Variants in SEMA6D observed in about 807,000 individuals in gnomAD.
SEMA6D encodes the protein semaphorin 6D.
In SEMA6D, 35 loss-of-function variants were observed where a neutral mutation model predicts 106.6. The ratio of observed to expected loss-of-function variants is 0.33; its 90% CI spans 0.25 to 0.44. The LOEUF is 0.44. SEMA6D is among the 20% of genes least tolerant of loss of function. SEMA6D has a pLI of 1.00. For missense variants in SEMA6D, 1,185 were observed against 1,345.9 expected, an observed-to-expected ratio of 0.88 and a Z score of 1.87; for synonymous variants, 499 against 487.7, an observed-to-expected ratio of 1.02 and a Z score of -0.31.
chr15:47,241,050 G>C (rs1221472881), intron 1 of SEMA6D, among the ~76,000 whole-genome samples: 1 of 152,086 alleles, frequency 6.6e-6, no homozygotes, highest in Admixed American at 6.5e-5. Flanking sequence ...AAGAATGAGA[G>C]CTTCATCTAT....
intron 4 of SEMA6D, among the ~76,000 whole-genome samples, chr15:47,620,932 G>T (rs917631611): frequency 1.1e-4 from 16 of 151,872 alleles, no homozygotes; most frequent in Admixed American, 3.9e-4. Context: ...CCCAGCTCTT[G>T]ACAGCACGGA....
intron 2 of SEMA6D, among the ~76,000 whole-genome samples, chr15:47,424,593 C>T (rs2041273001): frequency 1.3e-5 from 2 of 152,040 alleles, no homozygotes; most frequent in Admixed American, 6.6e-5. Flanking sequence ...ATTCATCCCC[C>T]AACAATGTAA....
intron 3 of SEMA6D, among the ~76,000 whole-genome samples, chr15:47,560,299 C>A (rs1267164313): frequency 6.6e-6 from 1 of 151,580 alleles, no homozygotes; most frequent in African/African-American, 2.4e-5. Context: ...CTAAAGAAAT[C>A]TGTTTAAAGA....
chr15:47,623,445 A>G (rs544919278), intron 4 of SEMA6D, among the ~76,000 whole-genome samples: 193 of 152,360 alleles, frequency 1.3e-3, no homozygotes, highest in African/African-American at 4.4e-3. Flanking sequence ...AACTGATACA[A>G]AATAATGTTT....
chr15:47,621,707 A>T (rs751201348), intron 4 of SEMA6D, among the ~76,000 whole-genome samples: 5 of 152,188 alleles, frequency 3.3e-5, no homozygotes, highest in Non-Finnish European at 5.9e-5. Context: ...TTTGGCTGTC[A>T]GCTCTACATC....
intron 1 of SEMA6D, among the ~76,000 whole-genome samples, chr15:47,399,125 TAAAAA>T (rs2145953426): frequency 6.6e-6 from 1 of 152,300 alleles, no homozygotes; most frequent in Admixed American, 6.5e-5. Context: ...TTTCCTCAGT[TAAAAA>T]AGAAAATCTC....
chr15:47,360,195 T>C (rs1367906420), intron 1 of SEMA6D: 2 of 152,212 alleles, frequency 1.3e-5, no homozygotes, highest in Non-Finnish European at 2.9e-5. Context: ...AGTCCACTAA[T>C]GATGTTGGAT....
chr15:47,426,820 T>A (rs1430564772), intron 2 of SEMA6D, among the ~76,000 whole-genome samples: 2 of 152,166 alleles, frequency 1.3e-5, no homozygotes, highest in South Asian at 4.1e-4. Flanking sequence ...TGTGAATTTT[T>A]ATTCTTGTTA....
At chr15:47,192,410 A>G (rs950262791) in intron 1 of SEMA6D, among the ~76,000 whole-genome samples, 1 of 152,218 alleles carries the variant, frequency 6.6e-6, no homozygotes, top group African/African-American at 2.4e-5. Context: ...AATGAAAAAG[A>G]CTATTCCCTT....
chr15:47,707,676 TG>T (rs2078939104), intron 4 of SEMA6D, among the ~76,000 whole-genome samples: 2 of 152,216 alleles, frequency 1.3e-5, no homozygotes, highest in Non-Finnish European at 2.9e-5. Context: ...GGATAAAAAC[TG>T]GATTTCCTCT....
intron 1 of SEMA6D, among the ~76,000 whole-genome samples, chr15:47,255,062 C>T (rs985106062): frequency 2.6e-5 from 4 of 152,046 alleles, no homozygotes; most frequent in East Asian, 3.9e-4. Context: ...TAGATATGTA[C>T]CATCAGGTTC....
chr15:47,506,622 A>ACACACACACACG (rs2044050995), intron 3 of SEMA6D, among the ~76,000 whole-genome samples: 1 of 151,732 alleles, frequency 6.6e-6, no homozygotes, highest in African/African-American at 2.4e-5. Context: ...ACACACACAC[A>ACACACACACACG]CACACACACA....
At chr15:47,656,564 T>TC (rs1303166627) in intron 4 of SEMA6D, among the ~76,000 whole-genome samples, 1 of 152,216 alleles carries the variant, frequency 6.6e-6, no homozygotes, top group African/African-American at 2.4e-5. Context: ...ATGTATTGTT[T>TC]CTTTGTCTGT....
At chr15:47,646,363 G>A (rs2144843937) in intron 4 of SEMA6D, among the ~76,000 whole-genome samples, 1 of 152,332 alleles carries the variant, frequency 6.6e-6, no homozygotes, top group Non-Finnish European at 1.5e-5. Context: ...CAGCCTGAAG[G>A]ATGTTTGAGA....
chr15:47,393,027 T>C (rs1889173475), intron 1 of SEMA6D, among the ~76,000 whole-genome samples: 1 of 152,212 alleles, frequency 6.6e-6, no homozygotes, highest in Admixed American at 6.5e-5. Context: ...TCAGTTGGCC[T>C]CTACAAATGG....
chr15:47,728,787 C>T (rs1295795071), intron 1 of SEMA6D, among the ~76,000 whole-genome samples: 3 of 152,200 alleles, frequency 2.0e-5, no homozygotes, highest in Non-Finnish European at 4.4e-5. Flanking sequence ...TTTCCTCCAT[C>T]TTCAAAGCCA....
intron 1 of SEMA6D, among the ~76,000 whole-genome samples, chr15:47,231,541 TACAC>T (rs2032197688): frequency 1.3e-5 from 2 of 152,084 alleles, no homozygotes; most frequent in South Asian, 4.1e-4. Context: ...TGCTTTTAAA[TACAC>T]ACACATATTT....
At chr15:47,722,664 G>A (rs2146363746) in intron 1 of SEMA6D, among the ~76,000 whole-genome samples, 1 of 152,090 alleles carries the variant, frequency 6.6e-6, no homozygotes, top group East Asian at 1.9e-4. Flanking sequence ...TCATGTTTGG[G>A]TGTGAGTTAG....
At chr15:47,516,053 C>G (rs528548107) in intron 3 of SEMA6D, among the ~76,000 whole-genome samples, 16 of 152,262 alleles carry the variant, frequency 1.1e-4, no homozygotes, top group African/African-American at 3.4e-4. Flanking sequence ...AAGCCTTAGA[C>G]TTATAATCTC....
Sources: gnomAD v4.1 joint callset for allele counts (sites outside exome capture counted in the v4.1 genomes callset) on GRCh38, gnomAD v4.1.1 for gene constraint, MANE v1.5 for transcripts, NCBI Gene and HGNC (gene_info 2026-07-23, HGNC 2026-07-21) for gene names.